The following FAM199X variants were observed in gnomAD, a reference collection of about 807,000 sequenced individuals.
FAM199X encodes the protein protein FAM199X.
FAM199X carries 4 observed loss-of-function variants against 22.9 expected under a neutral mutation model. The ratio of observed to expected loss-of-function variants is 0.17; its 90% CI spans 0.09 to 0.40. FAM199X has a LOEUF of 0.40. Ranked by LOEUF, FAM199X falls within the 10% of genes least tolerant of loss-of-function variation. FAM199X has a pLI of 1.00. For missense variants in FAM199X, 183 were observed against 306.8 expected, an observed-to-expected ratio of 0.60 and a Z score of 3.01; for synonymous variants, 101 against 112.3, an observed-to-expected ratio of 0.90 and a Z score of 0.64.
intron 1 of FAM199X, among the ~76,000 whole-genome samples, chrX:104,171,433 A>G (rs1921350719): frequency 8.9e-6 from 1 of 111,954 alleles, no homozygotes. Flanking sequence ...TTAGTGGAAT[A>G]TAATGTAAGG....
chrX:104,164,237 A>T (rs1921101016), upstream of FAM199X, among the ~76,000 whole-genome samples: 1 of 112,102 alleles, frequency 8.9e-6, no homozygotes, highest in Non-Finnish European at 1.9e-5. Context: ...TCGGCTTGTA[A>T]GTATGTCTTG....
In FAM199X at chrX:104,180,095, A is replaced by G. The variant is rs904586422; in HGVS notation, c.417+4253A>G. On this transcript the variant is annotated intron_variant, in intron 2 of 5. Transcript: ENST00000493442. ...TGGGCTCAAGCAATCCTCTTGCCTCAGCCTCCTCAGTAGCTGGGACCACAG... is the reference window on the plus strand; with the variant it reads ...TGGGCTCAAGCAATCCTCTTGCCTCGGCCTCCTCAGTAGCTGGGACCACAG... Among the ~76,000 whole-genome samples the G allele has an allele frequency of 3.8e-5, 4 of 105,402 alleles. No homozygotes were observed. The Admixed American group carries it at 4.2e-4, about 11-fold the overall frequency. 91.5% of individuals were successfully genotyped at this position (105,402 alleles called of 115,157 possible). A position where few individuals can be genotyped will look rare whatever the true frequency, so the allele number is the denominator to read the frequency against.
rs1921901976 is a variant in FAM199X, at chrX:104,190,171, T to C, written c.*393T>C. 1 of 128,015 alleles carries C rather than the reference T, an allele frequency of 7.8e-6. No individual in the cohort carries two copies. 10.5% of individuals were successfully genotyped at this position (128,015 alleles called of 1,213,427 possible). ...CTAGTACTTACACAGTTTAGAAGATTTCAAGGTACTGCTGACAGTAGTTTA... is the reference window on the plus strand; with the variant it reads ...CTAGTACTTACACAGTTTAGAAGATCTCAAGGTACTGCTGACAGTAGTTTA... On this transcript the variant is annotated 3_prime_UTR_variant, in exon 6 of 6. Transcript: ENST00000493442.
chrX:104,170,234 A>C (rs1176956897), intron 1 of FAM199X, among the ~76,000 whole-genome samples: 1 of 112,084 alleles, frequency 8.9e-6, no homozygotes, highest in Non-Finnish European at 1.9e-5. Flanking sequence ...TTAACCAGAA[A>C]AACCTAAAGA....
Position 104,166,759 on chromosome X carries a change from G to A in FAM199X, c.-27G>A. ...GCGGGAGCAGCCCAGGGCCAGAGAG[G>A]GAGCCCGAGCCAGGCCATCTCCAAC... On this transcript the variant is annotated 5_prime_UTR_variant, in exon 1 of 6. Coordinates refer to ENST00000493442, the MANE Select transcript of FAM199X (RefSeq NM_207318.4). 1 of 1,185,700 alleles carries A rather than the reference G, an allele frequency of 8.4e-7. No homozygotes were observed. The highest frequency in any genetic ancestry group is 1.8e-5 in the South Asian group (1 of 54,295).
At chrX:104,163,095 TACACAC>T (rs35140355), upstream of FAM199X, among the ~76,000 whole-genome samples, 1,884 of 95,364 alleles carry the variant, frequency 0.02, 45 homozygotes, top group African/African-American at 0.06. Context: ...CTCAGCTAAA[TACACAC>T]ACACACACAC....
In FAM199X at chrX:104,166,697, C is replaced by T; in HGVS notation, c.-89C>T. 1 of 847,306 alleles carries T rather than the reference C, an allele frequency of 1.2e-6. No homozygotes were observed. 69.8% of individuals were successfully genotyped at this position (847,306 alleles called of 1,213,427 possible). On this transcript the variant is annotated 5_prime_UTR_variant, in exon 1 of 6. Transcript: ENST00000493442. ...CGACGGGCACACCCCGGAGCGTCGG[C>T]GACTGCGGACAGGTTAGAGTGGGGG...
chrX:104,172,175 G>A (rs1921368948), intron 1 of FAM199X, among the ~76,000 whole-genome samples: 1 of 108,039 alleles, frequency 9.3e-6, no homozygotes. Context: ...ACCAAGGTGG[G>A]AGGATTGCTT....
At chrX:104,165,400 C>T (rs1343675692), upstream of FAM199X, among the ~76,000 whole-genome samples, 1 of 111,851 alleles carries the variant, frequency 8.9e-6, no homozygotes, top group Non-Finnish European at 1.9e-5. Context: ...TGCCCTCTTT[C>T]TCTTCTTCCT....
At position 104,186,492 on chromosome X, in the gene FAM199X, G is replaced by A. The variant is rs782513603; in HGVS notation, c.600G>A (p.Val200=). 8 of 1,208,431 alleles carry A rather than the reference G, an allele frequency of 6.6e-6. No individual in the cohort carries two copies. ...VEYIEYLSRK[V]STEMGLREQL... is the part of the protein sequence containing the mutation. ...ATATTGAGTATCTGAGTCGGAAAGT[G>A]AGTACTGAGATGGGTCTTCGGGAGC... The change falls in exon 4 of 6, where the codon GTG becomes GTA. Residue 200 remains valine, a synonymous_variant. Coordinates refer to ENST00000493442, the MANE Select transcript of FAM199X (RefSeq NM_207318.4).
At position 104,166,873 on chromosome X, in the gene FAM199X, G is replaced by T. The variant is rs1227996132; in HGVS notation, c.88G>T (p.Val30Leu). The change falls in exon 1 of 6, where the codon GTG becomes TTG. Residue 30 changes from valine (V) to leucine (L), a missense_variant. By Grantham distance (32) the Val-to-Leu change is conservative (BLOSUM62 1). This residue lies in a region of FAM199X where 55 missense variants were observed against 60.6 expected (regional missense o/e 0.91). Coordinates refer to ENST00000493442, the MANE Select transcript of FAM199X (RefSeq NM_207318.4). ...CCCACTCCTGGGACCTCCTCGCGGG[G>T]TGGGCACCTGCCCGAGCGAGGAGCC... ...PFPLLGPPRG[V>L]GTCPSEEPGC... 1 of 1,204,818 alleles carries T rather than the reference G, an allele frequency of 8.3e-7. No homozygotes were observed. The highest frequency in any genetic ancestry group is 1.8e-5 in the African/African-American group (1 of 57,063).
intron 1 of FAM199X, among the ~76,000 whole-genome samples, chrX:104,175,122 G>A (rs1415211007): frequency 8.9e-6 from 1 of 112,182 alleles, no homozygotes; most frequent in Admixed American, 9.5e-5. Context: ...CACAGACTTG[G>A]AGAGAGTGTT....
At chrX:104,162,661 C>T (rs1473843607), upstream of FAM199X, among the ~76,000 whole-genome samples, 2 of 111,910 alleles carry the variant, frequency 1.8e-5, no homozygotes, top group Non-Finnish European at 3.8e-5. Flanking sequence ...GGAGCAAGGG[C>T]AATATAATGG....
rs782547440 is a variant in FAM199X at position 104,189,796 on chromosome X, A to G, written c.*18A>G. The G allele has an allele frequency of 4.2e-6, 5 of 1,202,278 alleles. No homozygotes were observed. Among genetic ancestry groups the G allele is most frequent in the Admixed American group, 2.2e-5 (1 of 44,982 alleles). ...TGATGTAATAAGGGTGAATTTATCA[A>G]CGTTCTTTGTGAGCATTAAAATACT... is the stretch of plus-strand genomic sequence containing the variant. On this transcript the variant is annotated 3_prime_UTR_variant, in exon 6 of 6. Coordinates refer to ENST00000493442, the MANE Select transcript of FAM199X (RefSeq NM_207318.4).
At chrX:104,175,941 T>C in intron 2 of FAM199X, 99 bp downstream of exon 2, 1 of 583,946 alleles carries the variant, frequency 1.7e-6, no homozygotes, top group Non-Finnish European at 2.6e-6. Flanking sequence ...TAAATTTCTC[T>C]AATGTTTATC....
chrX:104,188,120 A>C lies in FAM199X; in HGVS notation c.810A>C (p.Ala270=). 8.3e-7 allele frequency: 1 copy of C among 1,211,753 alleles called. No individual in the cohort carries two copies. The highest frequency in any genetic ancestry group is 1.1e-6 in the Non-Finnish European group (1 of 895,534). ...GGAAGAGAAGCAACTTTAGTTGTGC[A>C]AGCACCAGTGGAGTGAGCGGTGCCA... ...EAWKRSNFSC[A]STSGVSGASA... is the part of the protein sequence containing the mutation. Residue 270 remains alanine (A), a synonymous_variant, in exon 5 of 6, where the codon GCA becomes GCC. Transcript: ENST00000493442.
intron 2 of FAM199X, among the ~76,000 whole-genome samples, chrX:104,176,472 C>T (rs1320444420): frequency 8.9e-6 from 1 of 112,156 alleles, no homozygotes; most frequent in Non-Finnish European, 1.9e-5. Flanking sequence ...CATTTAAAGA[C>T]GTTTTCCCTG....
rs1556380646 is a variant in FAM199X at position 104,192,397 on chromosome X, A to C, written c.*2619A>C. 8.9e-6 allele frequency: 1 copy of C among 111,761 alleles called. No homozygotes were observed. The highest frequency in any genetic ancestry group is 3.2e-5 in the African/African-American group (1 of 30,893). The allele number at this position is 111,761 out of a possible 1,213,427, so 9.2% of individuals were successfully genotyped here. On this transcript the variant is annotated 3_prime_UTR_variant, in exon 6 of 6. Coordinates refer to ENST00000493442, the MANE Select transcript of FAM199X (RefSeq NM_207318.4). ...CTTACTTGCTGTAGTATTGGTTCTC[A>C]TCTGTAGAGAACTGACATTGGAGCA...
At chrX:104,186,334 C>A in intron 3 of FAM199X, 119 bp downstream of exon 3, 1 of 1,078,088 alleles carries the variant, frequency 9.3e-7, no homozygotes. Context: ...TGAATTTGAG[C>A]TTTAACGGTT....
Sources: allele counts gnomAD v4.1 joint callset (sites outside exome capture counted in the v4.1 genomes callset), GRCh38; gene constraint gnomAD v4.1.1; regional missense constraint gnomAD v4.1.1; transcripts MANE v1.5; gene names NCBI Gene and HGNC (gene_info 2026-07-23, HGNC 2026-07-21).